Variants in STK39 observed in about 807,000 individuals in gnomAD.
The protein encoded by STK39 is serine/threonine kinase 39.
A neutral mutation model predicts 77.8 loss-of-function variants in STK39; 20 were observed. The observed-to-expected ratio is 0.26, with a 90% CI of 0.18 to 0.37. The LOEUF is 0.37. STK39 is among the 10% of genes least tolerant of loss of function. The pLI is 1.00. For missense variants in STK39, 479 were observed against 656.5 expected, an observed-to-expected ratio of 0.73 and a Z score of 2.95; for synonymous variants, 246 against 234.1, an observed-to-expected ratio of 1.05 and a Z score of -0.47.
chr2:168,108,587 C>T lies in STK39; in HGVS notation c.1089+20954G>A, dbSNP rs1411801387. Among the ~76,000 whole-genome samples the T allele has an allele frequency of 3.3e-5, 5 of 151,582 alleles. 1 individual carries two copies. The South Asian group carries it at 8.3e-4, about 25-fold the overall frequency. On this transcript the variant is annotated intron_variant, in intron 10 of 17. Transcript: ENST00000355999. ...AAAAGAAAATAAAAAAAAAAAGAAA[C>T]GATGGGGTACTTTTGCTAATGTTCC...
At chr2:168,231,638 T>C (rs2105261543) in intron 1 of STK39, among the ~76,000 whole-genome samples, 1 of 152,004 alleles carries the variant, frequency 6.6e-6, no homozygotes, top group South Asian at 2.1e-4. Context: ...GGAGAACATA[T>C]CAATATGGAG....
At chr2:167,967,584 A>C (rs1414949917) in intron 16 of STK39, among the ~76,000 whole-genome samples, 1 of 152,122 alleles carries the variant, frequency 6.6e-6, no homozygotes, top group Non-Finnish European at 1.5e-5. Context: ...TGAAACTGTA[A>C]CAATATCAGT....
Position 168,138,834 on chromosome 2 carries a change from C to T in STK39, c.841-613G>A, listed in dbSNP as rs537845763. ...GTCATCAAATCCAAAGTCCTTGCTGCTTTCGGAGGGGGACAAAACAAAATA... is the reference window on the plus strand; with the variant it reads ...GTCATCAAATCCAAAGTCCTTGCTGTTTTCGGAGGGGGACAAAACAAAATA... On this transcript the variant is annotated intron_variant, in intron 7 of 17. Coordinates refer to ENST00000355999, the MANE Select transcript of STK39 (RefSeq NM_013233.3). 2.6e-5 allele frequency among the ~76,000 whole-genome samples: 4 copies of T among 152,262 alleles called. No homozygotes were observed. In the South Asian group the frequency reaches 8.3e-4, roughly 32 times the overall value.
At chr2:168,170,745 T>G (rs545191966) in intron 2 of STK39, among the ~76,000 whole-genome samples, 1 of 152,150 alleles carries the variant, frequency 6.6e-6, no homozygotes, top group South Asian at 2.1e-4. Context: ...TGCCCAGTAG[T>G]GGGTCTGGCC....
intron 16 of STK39, among the ~76,000 whole-genome samples, chr2:167,977,675 A>C (rs1336939082): frequency 6.6e-6 from 1 of 152,054 alleles, no homozygotes; most frequent in East Asian, 1.9e-4. Flanking sequence ...AGGTGTCTTA[A>C]CCAGAGGTTT....
intron 14 of STK39, among the ~76,000 whole-genome samples, chr2:168,043,630 G>C (rs1256853755): frequency 6.6e-6 from 1 of 152,180 alleles, no homozygotes; most frequent in Non-Finnish European, 1.5e-5. Context: ...TACAACACAG[G>C]CACAATTTCT....
chr2:167,995,746 G>A (rs1683822634), intron 16 of STK39, among the ~76,000 whole-genome samples: 1 of 152,178 alleles, frequency 6.6e-6, no homozygotes, highest in Non-Finnish European at 1.5e-5. Flanking sequence ...ATGGATTTAG[G>A]CTCGGTATAA....
intron 5 of STK39, among the ~76,000 whole-genome samples, chr2:168,152,469 C>A (rs1688315210): frequency 6.6e-6 from 1 of 152,200 alleles, no homozygotes; most frequent in African/African-American, 2.4e-5. Context: ...CCTTACTTTA[C>A]AACGGAAGGA....
intron 1 of STK39, among the ~76,000 whole-genome samples, chr2:168,191,973 C>T (rs1689351275): frequency 6.6e-6 from 1 of 152,018 alleles, no homozygotes; most frequent in African/African-American, 2.4e-5. Flanking sequence ...GGGCTGGGAC[C>T]CTGACCTCTG....
At chr2:167,998,121 A>T (rs781668780) in intron 16 of STK39, among the ~76,000 whole-genome samples, 8 of 152,218 alleles carry the variant, frequency 5.3e-5, no homozygotes, top group African/African-American at 1.7e-4. Flanking sequence ...AAAAAAAAAT[A>T]AAGGAATGAC....
At chr2:168,231,667 G>A (rs187967619) in intron 1 of STK39, among the ~76,000 whole-genome samples, 4 of 152,076 alleles carry the variant, frequency 2.6e-5, no homozygotes, top group Admixed American at 6.5e-5. Flanking sequence ...TTTGCTTCTC[G>A]AATTCAAGAA....
chr2:168,233,437 ATT>A, intron 1 of STK39, among the ~76,000 whole-genome samples: 1 of 152,140 alleles, frequency 6.6e-6, no homozygotes, highest in Non-Finnish European at 1.5e-5. Context: ...CCCTACACAG[ATT>A]TTTTTCCCAC....
intron 14 of STK39, among the ~76,000 whole-genome samples, chr2:168,048,949 T>A (rs890769576): frequency 6.6e-6 from 1 of 152,218 alleles, no homozygotes; most frequent in Non-Finnish European, 1.5e-5. Flanking sequence ...TAATGCATCA[T>A]CTGGCAAATG....
intron 10 of STK39, among the ~76,000 whole-genome samples, chr2:168,085,329 T>C (rs1686337262): frequency 6.6e-6 from 1 of 152,206 alleles, no homozygotes; most frequent in South Asian, 2.1e-4. Context: ...ATCAAGGAGC[T>C]GGCCACCCAC....
chr2:168,012,767 T>C (rs199686108), intron 15 of STK39, 65 bp from the exon 16 acceptor site: 14 of 1,348,394 alleles, frequency 1.0e-5, no homozygotes, highest in African/African-American at 3.0e-5. Flanking sequence ...CCCAGTACAA[T>C]GTAAAATATA....
At chr2:168,225,916 C>CA (rs780802032) in intron 1 of STK39, among the ~76,000 whole-genome samples, 48 of 152,166 alleles carry the variant, frequency 3.2e-4, no homozygotes, top group Non-Finnish European at 5.0e-4. Context: ...AAGGGACTCA[C>CA]TAAAAACTAG....
At chr2:168,092,056 C>T (rs749733323) in intron 10 of STK39, among the ~76,000 whole-genome samples, 2 of 152,164 alleles carry the variant, frequency 1.3e-5, no homozygotes, top group Non-Finnish European at 2.9e-5. Flanking sequence ...AAATGTGGTC[C>T]ACACTCTGAA....
At chr2:168,022,003 G>A (rs947955882) in intron 14 of STK39, among the ~76,000 whole-genome samples, 1 of 152,078 alleles carries the variant, frequency 6.6e-6, no homozygotes, top group African/African-American at 2.4e-5. Flanking sequence ...GAATACAGAT[G>A]ATAGCATAGT....
chr2:168,195,718 A>G (rs1689452473), intron 1 of STK39, among the ~76,000 whole-genome samples: 2 of 152,228 alleles, frequency 1.3e-5, no homozygotes, highest in Non-Finnish European at 2.9e-5. Flanking sequence ...GATGAGTGTA[A>G]GAATTCCACC....
Sources: gnomAD v4.1 joint callset for allele counts (sites outside exome capture counted in the v4.1 genomes callset) on GRCh38, gnomAD v4.1.1 for gene constraint, MANE v1.5 for transcripts, NCBI Gene and HGNC (gene_info 2026-07-23, HGNC 2026-07-21) for gene names.